The following NFATC1 variants were observed in gnomAD, a reference collection of about 807,000 sequenced individuals.
NFATC1 encodes the protein nuclear factor of activated T cells 1.
In NFATC1, 22 loss-of-function variants were observed where a neutral mutation model predicts 76.0. The observed-to-expected ratio is 0.29, with a 90% confidence interval of 0.21 to 0.41. NFATC1 has a LOEUF of 0.41. NFATC1 is among the 10% of genes least tolerant of loss of function. The probability of loss-of-function intolerance (pLI) is 1.00; values close to 1 mark genes in which losing one functional copy is unlikely to be tolerated. For missense variants in NFATC1, 1,357 were observed against 1,337.7 expected (o/e 1.01, Z -0.23); for synonymous variants, 704 against 613.1 (o/e 1.15, Z -2.19).
At chr18:79,416,297 C>T (rs1031454197) in intron 2 of NFATC1, among the ~76,000 whole-genome samples, 3 of 152,242 alleles carry the variant, frequency 2.0e-5, no homozygotes, top group Admixed American at 6.5e-5. Context: ...TCTTCTCTTT[C>T]GCAGACACGA....
At chr18:79,459,142 T>A (rs2087913725) in intron 6 of NFATC1, among the ~76,000 whole-genome samples, 2 of 152,168 alleles carry the variant, frequency 1.3e-5, no homozygotes, top group Admixed American at 6.5e-5. Flanking sequence ...TCTAAGCGTA[T>A]CTGCTCCCAC....
At chr18:79,469,438 C>A (rs3786198) in intron 8 of NFATC1, 170,131 of 985,206 alleles carry the variant, frequency 0.17, 19,042 homozygotes, top group African/African-American at 0.53. Context: ...TGGGAGGTGG[C>A]GGCCCCCAGG....
In NFATC1 at chr18:79,486,269, C is replaced by G. The variant is rs1427487961; in HGVS notation, c.2114C>G (p.Pro705Arg). ...ACAGTTCCAATTATAAAAACAGAACCCACTGATGATTATGAGCCTGCTCCA... is the reference window on the plus strand; with the variant it reads ...ACAGTTCCAATTATAAAAACAGAACGCACTGATGATTATGAGCCTGCTCCA... ...PANVPIIKTE[P>R]TDDYEPAPTC... Residue 705 changes from proline to arginine, a missense_variant, in exon 9 of 10, where the codon CCC becomes CGC. This residue lies in a region of NFATC1 where 424 missense variants were observed against 395.4 expected (regional missense o/e 1.07). Transcript: ENST00000427363. 2.5e-6 allele frequency: 4 copies of G among 1,609,858 alleles called. No individual in the cohort carries two copies. Among genetic ancestry groups the G allele is most frequent in the South Asian group, 2.2e-5 (2 of 90,930 alleles).
At chr18:79,430,256 C>A (rs986025986) in intron 2 of NFATC1, among the ~76,000 whole-genome samples, 5 of 152,202 alleles carry the variant, frequency 3.3e-5, no homozygotes, top group Admixed American at 1.3e-4. Context: ...TTTAACCAGA[C>A]CAGCGGTGGG....
chr18:79,412,583 C>A (rs967455471), intron 2 of NFATC1, among the ~76,000 whole-genome samples: 41 of 152,296 alleles, frequency 2.7e-4, no homozygotes, highest in African/African-American at 9.9e-4. Flanking sequence ...TCTGGGAGGA[C>A]CCGTCTCTGC....
At position 79,527,696 on chromosome 18, in the gene NFATC1, C is replaced by T. The variant is rs1431274078; in HGVS notation, c.*119C>T. The T allele has an allele frequency of 2.3e-6, 2 of 882,448 alleles. No homozygotes were observed. The highest frequency in any genetic ancestry group is 2.4e-5 in the East Asian group (1 of 41,234). The allele number at this position is 882,448 out of a possible 1,614,324, so 54.7% of individuals were successfully genotyped here. On this transcript the variant is annotated 3_prime_UTR_variant, in exon 10 of 10. Coordinates refer to ENST00000427363, the MANE Select transcript of NFATC1 (RefSeq NM_001278669.2). Reference sequence around the variant, plus strand: ...CTCAGAACCTCCAACTGACTGAATGCCAGGAGCTGAACATTAATATGTGCA... The same window carrying T: ...CTCAGAACCTCCAACTGACTGAATGTCAGGAGCTGAACATTAATATGTGCA...
In NFATC1 at chr18:79,455,166, G is replaced by A. The variant is rs369113947; in HGVS notation, c.1903+3350G>A. 3.9e-4 allele frequency among the ~76,000 whole-genome samples: 60 copies of A among 152,338 alleles called. No individual in the cohort carries two copies. In the East Asian group the frequency reaches 4.8e-3, roughly 12 times the overall value. Reference sequence around the variant, plus strand: ...GAACAACCTCCTTTTCTTAAGTCACGCGTCTGTTCTGGTGCCGTTTTTTAA... The same window carrying A: ...GAACAACCTCCTTTTCTTAAGTCACACGTCTGTTCTGGTGCCGTTTTTTAA... On this transcript the variant is annotated intron_variant, in intron 6 of 9. Coordinates refer to ENST00000427363, the MANE Select transcript of NFATC1 (RefSeq NM_001278669.2).
At chr18:79,460,696 A>T (rs894279117) in intron 6 of NFATC1, among the ~76,000 whole-genome samples, 16 of 152,230 alleles carry the variant, frequency 1.1e-4, no homozygotes, top group African/African-American at 3.6e-4. Context: ...GTTCCTTTGC[A>T]CACAGGCAGG....
chr18:79,416,751 C>T (rs2085889784), intron 2 of NFATC1, among the ~76,000 whole-genome samples: 1 of 152,208 alleles, frequency 6.6e-6, no homozygotes, highest in Non-Finnish European at 1.5e-5. Context: ...AGGGAAGCCC[C>T]CCAACAACCC....
chr18:79,436,921 G>T (rs946328802), intron 3 of NFATC1, among the ~76,000 whole-genome samples: 1 of 152,148 alleles, frequency 6.6e-6, no homozygotes, highest in Non-Finnish European at 1.5e-5. Flanking sequence ...ACCACCCCAG[G>T]CCAGCCCCTA....
intron 3 of NFATC1, among the ~76,000 whole-genome samples, chr18:79,434,148 C>T (rs1274820560): frequency 1.3e-5 from 2 of 152,244 alleles, no homozygotes; most frequent in African/African-American, 4.8e-5. Flanking sequence ...GGATCCCATA[C>T]TCTGGGCTTG....
intron 8 of NFATC1, among the ~76,000 whole-genome samples, chr18:79,475,169 C>T (rs1569007680): frequency 1.4e-5 from 2 of 145,560 alleles, no homozygotes; most frequent in Non-Finnish European, 3.0e-5. Context: ...TCACTGTCGA[C>T]GTTGTAAACC....
chr18:79,527,349 AG>A (rs1569061574), intron 9 of NFATC1, 178 bp from the exon 10 acceptor site: 7 of 581,026 alleles, frequency 1.2e-5, no homozygotes, highest in Non-Finnish European at 1.5e-5. Context: ...CTGCCGAGGC[AG>A]CCAGGCACTG....
chr18:79,424,657 CTG>C (rs2086224926), intron 2 of NFATC1, among the ~76,000 whole-genome samples: 3 of 151,684 alleles, frequency 2.0e-5, no homozygotes, highest in Non-Finnish European at 2.9e-5. Context: ...CTTTCCGTCT[CTG>C]TCTCTCCATC....
At chr18:79,478,035 C>T (rs1159666388) in intron 8 of NFATC1, among the ~76,000 whole-genome samples, 3 of 152,034 alleles carry the variant, frequency 2.0e-5, no homozygotes, top group Non-Finnish European at 4.4e-5. Context: ...TAGCAGTGAC[C>T]CCACTTGTCT....
intron 9 of NFATC1, among the ~76,000 whole-genome samples, chr18:79,502,134 AG>A (rs1262812323): frequency 6.6e-6 from 1 of 152,248 alleles, no homozygotes; most frequent in Non-Finnish European, 1.5e-5. Context: ...TAATCAAGAC[AG>A]TGTGGTATTG....
chr18:79,525,712 G>C (rs2090743715), intron 9 of NFATC1, among the ~76,000 whole-genome samples: 1 of 152,178 alleles, frequency 6.6e-6, no homozygotes, highest in Non-Finnish European at 1.5e-5. Context: ...TTGGAGCTCC[G>C]CTGGCCAGGG....
chr18:79,435,538 C>T (rs1253860744), intron 3 of NFATC1, among the ~76,000 whole-genome samples: 3 of 151,970 alleles, frequency 2.0e-5, no homozygotes, highest in East Asian at 1.9e-4. Flanking sequence ...CTGTGAGTAG[C>T]GCCGGTGCCT....
chr18:79,490,913 G>A (rs143975504), intron 9 of NFATC1, among the ~76,000 whole-genome samples: 3 of 152,216 alleles, frequency 2.0e-5, no homozygotes, highest in Non-Finnish European at 4.4e-5. Context: ...GGGTTATGTC[G>A]GGAAAGCCTC....
Sources: gnomAD v4.1 joint callset for allele counts (sites outside exome capture counted in the v4.1 genomes callset) on GRCh38, gnomAD v4.1.1 for gene constraint, gnomAD v4.1.1 regional missense constraint, MANE v1.5 for transcripts, NCBI Gene and HGNC (gene_info 2026-07-23, HGNC 2026-07-21) for gene names.